Variants in ERN1 observed in about 807,000 individuals in gnomAD.
ERN1 encodes the protein endoplasmic reticulum to nucleus signaling 1, also known as serine/threonine-protein kinase/endoribonuclease IRE1.
A neutral mutation model predicts 113.1 loss-of-function variants in ERN1; 39 were observed. The ratio of observed to expected loss-of-function variants is 0.34; its 90% CI spans 0.27 to 0.45. The LOEUF (loss-of-function observed/expected upper bound fraction) is 0.45. ERN1 is among the 20% of genes least tolerant of loss of function. The probability of loss-of-function intolerance (pLI) is 1.00; values close to 1 mark genes in which losing one functional copy is unlikely to be tolerated. For synonymous variants in ERN1, 507 were observed against 515.9 expected, an observed-to-expected ratio of 0.98 and a Z score of 0.23; for missense variants, 976 against 1,274.8, an observed-to-expected ratio of 0.77 and a Z score of 3.57.
chr17:64,118,628 C>T (rs185292593), intron 1 of ERN1, among the ~76,000 whole-genome samples: 84 of 152,238 alleles, frequency 5.5e-4, no homozygotes, highest in Non-Finnish European at 1.0e-3. Flanking sequence ...TTGGTCCAGC[C>T]CACTCAATGT....
At chr17:64,123,082 T>G (rs537295856) in intron 1 of ERN1, among the ~76,000 whole-genome samples, 87 of 152,284 alleles carry the variant, frequency 5.7e-4, no homozygotes, top group Middle Eastern at 3.4e-3. Flanking sequence ...TATTATCAAG[T>G]GGTACTTAAA....
chr17:64,068,396 G>A, intron 6 of ERN1, 105 bp from the exon 7 acceptor site: 1 of 793,082 alleles, frequency 1.3e-6, no homozygotes, highest in Non-Finnish European at 2.1e-6. Flanking sequence ...CTAAACTGTA[G>A]GCCAAAAAGT....
rs563715972 is a variant in ERN1, at chr17:64,104,358, A to C, written c.55-6117T>G. 2.2e-3 allele frequency among the ~76,000 whole-genome samples: 331 copies of C among 152,354 alleles called. 1 individual carries two copies. Among genetic ancestry groups the C allele is most frequent in the Non-Finnish European group, 3.2e-3 (221 of 68,030 alleles). On this transcript the variant is annotated intron_variant, in intron 1 of 21. Coordinates refer to ENST00000433197, the MANE Select transcript of ERN1 (RefSeq NM_001433.5). ...TGCCTTGTTGCCCCCTGCAATGGTA[A>C]GTACAGCAGGGAAGACCCTGCAAGC...
chr17:64,058,134 A>G, intron 11 of ERN1, 141 bp from the exon 12 acceptor site: 2 of 672,414 alleles, frequency 3.0e-6, no homozygotes, highest in Non-Finnish European at 4.8e-6. Flanking sequence ...CTCACCAAAG[A>G]TCATGTAGCC....
At position 64,044,155 on chromosome 17, in the gene ERN1, C is replaced by T. The variant is rs1912432629; in HGVS notation, c.2767G>A (p.Gly923Arg). 1 of 1,595,286 alleles carries T rather than the reference C, an allele frequency of 6.3e-7. No individual in the cohort carries two copies. The highest frequency in any genetic ancestry group is 1.3e-5 in the African/African-American group (1 of 74,624). The change falls in exon 22 of 22, where the codon GGG becomes AGG. Residue 923 changes from glycine to arginine, a missense_variant. Gly to Arg is a moderately radical substitution (Grantham distance 125, BLOSUM62 -2). Transcript: ENST00000433197. The surrounding 1 kb of genome is among the most constrained non-coding windows in gnomAD (Gnocchi z 4.1). ...ELPAEVRETLGSLPDDFVCYF... is the reference protein window; with the variant it reads ...ELPAEVRETLRSLPDDFVCYF... ...CACACGAAGTCGTCGGGGAGGGACC[C>T]CAGCGTCTCCCGCACCTCTGCAGGC... is the stretch of plus-strand genomic sequence containing the variant.
At chr17:64,115,404 G>A (rs1914777991) in intron 1 of ERN1, among the ~76,000 whole-genome samples, 1 of 152,138 alleles carries the variant, frequency 6.6e-6, no homozygotes, top group Non-Finnish European at 1.5e-5. Flanking sequence ...GCCGCCCCAA[G>A]GCCTGTAAAA....
At chr17:64,062,500 T>A (rs1022167767) in intron 10 of ERN1, among the ~76,000 whole-genome samples, 1 of 152,242 alleles carries the variant, frequency 6.6e-6, no homozygotes, top group Non-Finnish European at 1.5e-5. Flanking sequence ...AATTGTGGGA[T>A]CCTTACACTT....
At position 64,063,818 on chromosome 17, in the gene ERN1, T is replaced by G. The variant is rs1422180293; in HGVS notation, c.1087+168A>C. 6.6e-6 allele frequency among the ~76,000 whole-genome samples: 1 copy of G among 152,184 alleles called. No individual in the cohort carries two copies. Among genetic ancestry groups the G allele is most frequent in the Non-Finnish European group, 1.5e-5 (1 of 68,034 alleles). ...TGACTCAGAAACACAGCTACCTTGTTGATTTTCCTTGGGGGTAAAAATGTC... is the reference window on the plus strand; with the variant it reads ...TGACTCAGAAACACAGCTACCTTGTGGATTTTCCTTGGGGGTAAAAATGTC... On this transcript the variant is annotated intron_variant, in intron 10 of 21. Transcript: ENST00000433197. This position sits in a 1 kb window ranked among gnomAD's most constrained non-coding sequence, Gnocchi z 5.1.
At chr17:64,124,362 A>G (rs1915025918) in intron 1 of ERN1, among the ~76,000 whole-genome samples, 1 of 152,224 alleles carries the variant, frequency 6.6e-6, no homozygotes, top group South Asian at 2.1e-4. Context: ...ATGTCCCTCA[A>G]TGGATGGATG....
intron 1 of ERN1, chr17:64,098,623 A>G (rs1914298629): frequency 7.6e-6 from 4 of 526,334 alleles, no homozygotes; most frequent in South Asian, 5.6e-5. Flanking sequence ...AAGAATGCCA[A>G]TACCCACGCA....
intron 2 of ERN1, among the ~76,000 whole-genome samples, chr17:64,097,601 G>A (rs909097003): frequency 4.6e-5 from 7 of 152,140 alleles, no homozygotes; most frequent in African/African-American, 9.7e-5. Flanking sequence ...TAACATGGAC[G>A]CATGGTATGT....
Position 64,054,684 on chromosome 17 carries a change from G to T in ERN1, c.1763+54C>A. 1 of 1,419,186 alleles carries T rather than the reference G, an allele frequency of 7.0e-7. No individual in the cohort carries two copies. The highest frequency in any genetic ancestry group is 1.2e-5 in the South Asian group (1 of 80,294). The allele number at this position is 1,419,186 out of a possible 1,614,324, so 87.9% of individuals were successfully genotyped here. A position where few individuals can be genotyped will look rare whatever the true frequency, so the allele number is the denominator to read the frequency against. ...GAGCCTGGCACCAGGCTCGCAACCT[G>T]ACAGGCACTTAGACACCAGGCGGTG... On this transcript the variant is annotated intron_variant, in intron 14 of 21. Transcript: ENST00000433197. The surrounding 1 kb of genome is among the most constrained non-coding windows in gnomAD (Gnocchi z 4.9).
Position 64,054,109 on chromosome 17 carries a change from T to G in ERN1, c.1953+141A>C. On this transcript the variant is annotated intron_variant, in intron 15 of 21. Transcript: ENST00000433197. The surrounding 1 kb of genome is among the most constrained non-coding windows in gnomAD (Gnocchi z 4.9). ...AACACATCGCTAGGCCTGGCTAATTTTTGGTTTCTTTGTAGAGATGGGGTT... is the reference window on the plus strand; with the variant it reads ...AACACATCGCTAGGCCTGGCTAATTGTTGGTTTCTTTGTAGAGATGGGGTT... 1.4e-6 allele frequency: 1 copy of G among 705,594 alleles called. No individual in the cohort carries two copies. The allele number at this position is 705,594 out of a possible 1,614,324, so 43.7% of individuals were successfully genotyped here.
intron 6 of ERN1, among the ~76,000 whole-genome samples, chr17:64,071,662 T>G (rs1440215757): frequency 1.3e-5 from 2 of 152,138 alleles, no homozygotes; most frequent in Non-Finnish European, 2.9e-5. Flanking sequence ...CCTCAGGTGA[T>G]CCACCTGCCT....
intron 10 of ERN1, among the ~76,000 whole-genome samples, chr17:64,062,952 T>TC (rs1297601192): frequency 1.3e-5 from 2 of 151,942 alleles, no homozygotes; most frequent in Non-Finnish European, 2.9e-5. Context: ...ATACCTGGTT[T>TC]CCCCCCATAA....
intron 4 of ERN1, among the ~76,000 whole-genome samples, chr17:64,078,191 T>G (rs1342344721): frequency 6.6e-6 from 1 of 152,220 alleles, no homozygotes; most frequent in Admixed American, 6.5e-5. Context: ...CACCAACATG[T>G]TTTCTTTTTC....
chr17:64,054,311 G>A lies in ERN1; in HGVS notation c.1892C>T (p.Thr631Met), dbSNP rs554769040. 30 of 1,613,836 alleles carry A rather than the reference G, an allele frequency of 1.9e-5. No homozygotes were observed. The highest frequency in any genetic ancestry group is 1.6e-4 in the Middle Eastern group (1 of 6,062). Reference protein sequence around the residue: ...EHPNVIRYFCTEKDRQFQYIA... With the variant: ...EHPNVIRYFCMEKDRQFQYIA... The stretch of plus-strand genomic sequence containing the variant: ...GTACTGGAATTGCCGGTCCTTCTCC[G>A]TGCAGAAGTAGCGGATCACGTTCGG... Residue 631 changes from threonine (T) to methionine (M), a missense_variant, in exon 15 of 22, where the codon ACG becomes ATG. Physicochemically the swap from Thr to Met is moderately conservative, Grantham distance 81. Coordinates refer to ENST00000433197, the MANE Select transcript of ERN1 (RefSeq NM_001433.5). This position sits in a 1 kb window ranked among gnomAD's most constrained non-coding sequence, Gnocchi z 4.9.
At chr17:64,084,924 C>T (rs1396166803) in intron 2 of ERN1, among the ~76,000 whole-genome samples, 2 of 152,182 alleles carry the variant, frequency 1.3e-5, no homozygotes, top group African/African-American at 2.4e-5. Context: ...CACCTCAGAG[C>T]GGTCTTCCAT....
rs745925817 is a variant in ERN1, at chr17:64,047,965, A to G, written c.2422T>C (p.Leu808=). ...TCCATCGCAATCATCTTCTCTATCA[A>G]TTCACGTGCAATGACGTCTTCTATA... is the stretch of plus-strand genomic sequence containing the variant. ...EKHEDVIARE[L]IEKMIAMDPQ... Residue 808 remains leucine (L), a synonymous_variant, in exon 19 of 22, where the codon TTG becomes CTG. Coordinates refer to ENST00000433197, the MANE Select transcript of ERN1 (RefSeq NM_001433.5). 1.2e-6 allele frequency: 2 copies of G among 1,612,888 alleles called. No individual in the cohort carries two copies. Among genetic ancestry groups the G allele is most frequent in the South Asian group, 2.2e-5 (2 of 90,974 alleles).
Sources: gnomAD v4.1 joint callset for allele counts (sites outside exome capture counted in the v4.1 genomes callset) on GRCh38, gnomAD v4.1.1 for gene constraint, Gnocchi (gnomAD v3.1) non-coding constraint, MANE v1.5 for transcripts, NCBI Gene and HGNC (gene_info 2026-07-23, HGNC 2026-07-21) for gene names.